ZNF385D: variants seen among roughly 807,000 people sequenced by gnomAD.
ZNF385D encodes the protein zinc finger protein 659.
Under a neutral mutation model 35.8 loss-of-function variants are expected in ZNF385D, and 15 were observed. That is an observed-to-expected ratio of 0.42 (90% CI 0.28 to 0.64). The LOEUF is 0.64. ZNF385D is among the 30% of genes least tolerant of loss of function. The pLI is 0.23. For synonymous variants in ZNF385D, 212 were observed against 186.8 expected, an observed-to-expected ratio of 1.13 and a Z score of -1.10; for missense variants, 474 against 494.6, an observed-to-expected ratio of 0.96 and a Z score of 0.39.
intron 3 of ZNF385D, among the ~76,000 whole-genome samples, chr3:22,082,813 C>T (rs1295576797): frequency 6.6e-6 from 1 of 152,152 alleles, no homozygotes; most frequent in Non-Finnish European, 1.5e-5. Context: ...GGCCGACTGA[C>T]ACCTCATACA....
intron 3 of ZNF385D, among the ~76,000 whole-genome samples, chr3:22,020,445 C>T (rs1280162919): frequency 1.3e-5 from 2 of 151,606 alleles, no homozygotes; most frequent in African/African-American, 2.4e-5. Context: ...AGAGCTGGGA[C>T]CTAAACATAG....
chr3:21,968,583 G>C (rs1024327492), intron 3 of ZNF385D, among the ~76,000 whole-genome samples: 1 of 152,110 alleles, frequency 6.6e-6, no homozygotes, highest in Admixed American at 6.5e-5. Flanking sequence ...TCAGGCCCTA[G>C]CTGTCATACT....
intron 2 of ZNF385D, among the ~76,000 whole-genome samples, chr3:22,309,058 A>C (rs964663642): frequency 6.6e-6 from 1 of 152,118 alleles, no homozygotes; most frequent in African/African-American, 2.4e-5. Context: ...AAAGGAAATC[A>C]TAAGCCAGAA....
chr3:22,217,581 T>A (rs142353467), intron 2 of ZNF385D, among the ~76,000 whole-genome samples: 2 of 152,296 alleles, frequency 1.3e-5, no homozygotes, highest in East Asian at 3.9e-4. Flanking sequence ...TGGGATATAA[T>A]TGAATCTGTA....
intron 3 of ZNF385D, among the ~76,000 whole-genome samples, chr3:21,556,990 A>G (rs1342312916): frequency 6.6e-6 from 1 of 152,132 alleles, no homozygotes; most frequent in Non-Finnish European, 1.5e-5. Flanking sequence ...GGTGTATAGG[A>G]ATGCTTGTGA....
At chr3:22,176,797 T>A (rs902355993) in intron 2 of ZNF385D, among the ~76,000 whole-genome samples, 1 of 152,162 alleles carries the variant, frequency 6.6e-6, no homozygotes, top group Non-Finnish European at 1.5e-5. Flanking sequence ...CACTAAAATA[T>A]TTTTGAGGCC....
At chr3:21,788,976 A>T (rs2071811916) in intron 3 of ZNF385D, among the ~76,000 whole-genome samples, 5 of 152,230 alleles carry the variant, frequency 3.3e-5, no homozygotes, top group Admixed American at 3.3e-4. Flanking sequence ...AATGGAGCAG[A>T]TAGATTTTCT....
chr3:22,009,501 T>A (rs921257731), intron 3 of ZNF385D, among the ~76,000 whole-genome samples: 4 of 151,322 alleles, frequency 2.6e-5, no homozygotes, highest in African/African-American at 4.9e-5. Context: ...CGGGTGCCTA[T>A]AGTCCCAGCT....
At chr3:21,912,977 G>A (rs1362282379) in intron 3 of ZNF385D, among the ~76,000 whole-genome samples, 1 of 152,042 alleles carries the variant, frequency 6.6e-6, no homozygotes, top group Non-Finnish European at 1.5e-5. Flanking sequence ...AAACAGAATT[G>A]TGATAATAAT....
Position 21,877,505 on chromosome 3 carries a change from T to C in ZNF385D, c.326-212477A>G, listed in dbSNP as rs888147445. On this transcript the variant is annotated intron_variant, in intron 3 of 5. Transcript: ENST00000494108. ...TTATTTAAAGTTAATTAATTTAACC[T>C]GACCTTTCCATATAAATATAAGGCA... Among the ~76,000 whole-genome samples the C allele has an allele frequency of 7.9e-5, 12 of 152,102 alleles. 1 individual carries two copies. Among genetic ancestry groups the C allele is most frequent in the Admixed American group, 7.9e-4 (12 of 15,240 alleles).
chr3:21,888,565 T>C (rs552311889), intron 3 of ZNF385D, among the ~76,000 whole-genome samples: 1 of 152,198 alleles, frequency 6.6e-6, no homozygotes, highest in South Asian at 2.1e-4. Context: ...GGAATAGTTT[T>C]CAGTGTTGCT....
At chr3:21,875,280 C>T (rs752221281) in intron 3 of ZNF385D, among the ~76,000 whole-genome samples, 36 of 151,964 alleles carry the variant, frequency 2.4e-4, no homozygotes, top group South Asian at 8.3e-4. Flanking sequence ...TCAGAACTTC[C>T]AGTGTTTATT....
At chr3:21,630,924 C>T (rs62237381) in intron 2 of ZNF385D, among the ~76,000 whole-genome samples, 18,396 of 152,020 alleles carry the variant, frequency 0.12, 1,224 homozygotes, top group Admixed American at 0.14. Context: ...TACCCAAGTC[C>T]ACATAATTAG....
chr3:21,564,223 T>G (rs1021146135), intron 3 of ZNF385D, among the ~76,000 whole-genome samples: 1 of 152,198 alleles, frequency 6.6e-6, no homozygotes, highest in African/African-American at 2.4e-5. Flanking sequence ...ACCTATCTTA[T>G]TTCAGAGTGT....
intron 3 of ZNF385D, among the ~76,000 whole-genome samples, chr3:22,014,590 TAA>T (rs1195496465): frequency 6.6e-6 from 1 of 151,940 alleles, no homozygotes; most frequent in African/African-American, 2.4e-5. Flanking sequence ...TTTTTATACA[TAA>T]AAGTCTCAGA....
chr3:22,333,476 T>G (rs1368573879), intron 2 of ZNF385D, among the ~76,000 whole-genome samples: 2 of 152,256 alleles, frequency 1.3e-5, no homozygotes, highest in Non-Finnish European at 2.9e-5. Flanking sequence ...TATCTTTTTT[T>G]CTCTCTGTTA....
Position 22,167,837 on chromosome 3 carries a change from C to T in ZNF385D, c.325+980G>A, listed in dbSNP as rs576327454. 4.8e-4 allele frequency among the ~76,000 whole-genome samples: 73 copies of T among 152,240 alleles called. 1 individual carries two copies. The highest frequency in any genetic ancestry group is 3.4e-3 in the Middle Eastern group (1 of 294). The stretch of plus-strand genomic sequence containing the variant: ...CAAATAACATCTATAATTAACTAAA[C>T]GTCATACATTTGAAAGAAATAAAAA... On this transcript the variant is annotated intron_variant, in intron 3 of 5. Coordinates refer to the ZNF385D transcript ENST00000494108.
intron 2 of ZNF385D, among the ~76,000 whole-genome samples, chr3:22,195,060 G>T (rs1410741004): frequency 6.6e-6 from 1 of 151,834 alleles, no homozygotes; most frequent in South Asian, 2.1e-4. Context: ...TTCCCCCCAA[G>T]AAAGTATTAT....
chr3:21,426,539 G>T (rs774095122), intron 5 of ZNF385D, among the ~76,000 whole-genome samples: 1 of 151,936 alleles, frequency 6.6e-6, no homozygotes, highest in African/African-American at 2.4e-5. Context: ...TTTTAGAGTT[G>T]ATAAGTATTC....
Sources: allele counts gnomAD v4.1 joint callset (sites outside exome capture counted in the v4.1 genomes callset), GRCh38; gene constraint gnomAD v4.1.1; transcripts MANE v1.5; gene names NCBI Gene and HGNC (gene_info 2026-07-23, HGNC 2026-07-21).